The following MPST variants were observed in gnomAD, a reference collection of about 807,000 sequenced individuals.
The protein encoded by MPST is mercaptopyruvate sulfurtransferase, also known as 3-mercaptopyruvate sulfurtransferase.
MPST carries 27 observed loss-of-function variants against 28.5 expected under a neutral mutation model. The observed-to-expected ratio is 0.95, with a 90% CI of 0.70 to 1.31. The LOEUF is 1.31. MPST is among the 50% of genes most tolerant of loss of function. The probability of loss-of-function intolerance (pLI) is 0.00; values close to 1 mark genes in which losing one functional copy is unlikely to be tolerated. For missense variants in MPST, 492 were observed against 471.1 expected, an observed-to-expected ratio of 1.04 and a Z score of -0.41; for synonymous variants, 204 against 209.3, an observed-to-expected ratio of 0.97 and a Z score of 0.22.
In MPST at chr22:37,024,820, G is replaced by A. The variant is rs560301545; in HGVS notation, c.655+10G>A. On this transcript the variant is annotated intron_variant, in intron 2 of 2. Coordinates refer to ENST00000429360, the MANE Select transcript of MPST (RefSeq NM_021126.8). ...CCCGAGCCCCGAGACGGTAACGCGGGGGAAGGGGGCAGGAGGTCGTCGGGG... is the reference window on the plus strand; with the variant it reads ...CCCGAGCCCCGAGACGGTAACGCGGAGGAAGGGGGCAGGAGGTCGTCGGGG... 8.7e-5 allele frequency: 140 copies of A among 1,604,516 alleles called. No individual in the cohort carries two copies. In the African/African-American group the frequency reaches 1.6e-3, roughly 18 times the overall value.
At position 37,029,416 on chromosome 22, in the gene MPST, A is replaced by G. The variant is rs1375259443; in HGVS notation, c.856A>G (p.Lys286Glu). 1 of 1,613,778 alleles carries G rather than the reference A, an allele frequency of 6.2e-7. No homozygotes were observed. Among genetic ancestry groups the G allele is most frequent in the Non-Finnish European group, 8.5e-7 (1 of 1,180,036 alleles). ...HVALGAYLCG[K>E]PDVPIYDGSW... ...GGCACTAGGGGCCTACCTCTGCGGC[A>G]AGCCAGACGTGCCCATCTACGATGG... Residue 286 changes from lysine (K) to glutamate (E), a missense_variant, in exon 3 of 3, where the codon AAG (lysine) becomes GAG (glutamate). Physicochemically the swap from Lys to Glu is moderately conservative, Grantham distance 56. Transcript: ENST00000429360.
chr22:37,023,958 G>A (rs1283782448), intron 1 of MPST: 2 of 1,513,674 alleles, frequency 1.3e-6, no homozygotes, highest in East Asian at 2.6e-5. Flanking sequence ...CTCTCCGGGA[G>A]GTCATGGTCA....
intron 1 of MPST, chr22:37,020,111 C>T (rs555860952): frequency 7.5e-4 from 290 of 387,018 alleles, no homozygotes; most frequent in African/African-American, 5.8e-3. Flanking sequence ...CTGGTGGCAC[C>T]AGAGAGGGCG....
intron 1 of MPST, 65 bp downstream of exon 1, chr22:37,019,937 C>T (rs1306486783): frequency 3.9e-6 from 3 of 762,040 alleles, no homozygotes; most frequent in South Asian, 6.6e-5. Context: ...TGGGGGTGCT[C>T]GGCGCGGGGC....
At chr22:37,020,494 G>A (rs1006400999) in intron 1 of MPST, among the ~76,000 whole-genome samples, 2 of 152,148 alleles carry the variant, frequency 1.3e-5, no homozygotes, top group Admixed American at 6.5e-5. Flanking sequence ...TTAATCATAA[G>A]TTGATGTAAT....
rs1292313745 is a variant in MPST, at chr22:37,019,863, C to A, written c.27C>A (p.Ser9=). Residue 9 remains serine, a synonymous_variant, in exon 1 of 3, where the codon TCC becomes TCA. Transcript: ENST00000429360. The part of the protein sequence containing the change: MAEPGSRE[S]ETRARSPSVA... ...TGGCGGAGCCAGGAAGCCGGGAGTC[C>A]GAGACCCGGGTAACTGCCGCGGCGT... 8.2e-7 allele frequency: 1 copy of A among 1,222,364 alleles called. No homozygotes were observed. 75.7% of individuals were successfully genotyped at this position (1,222,364 alleles called of 1,614,324 possible).
At chr22:37,022,344 T>C (rs1923135964) in intron 1 of MPST, among the ~76,000 whole-genome samples, 1 of 152,176 alleles carries the variant, frequency 6.6e-6, no homozygotes, top group African/African-American at 2.4e-5. Context: ...TGCTCAACAC[T>C]GAATTCTAAA....
chr22:37,023,667 T>C (rs1923239491), intron 1 of MPST: 1 of 634,512 alleles, frequency 1.6e-6, no homozygotes, highest in Non-Finnish European at 2.1e-6. Flanking sequence ...GAGAGTCTAC[T>C]GTGTCAGGCA....
At chr22:37,022,659 C>T (rs1170481431) in intron 1 of MPST, among the ~76,000 whole-genome samples, 1 of 152,202 alleles carries the variant, frequency 6.6e-6, no homozygotes, top group Admixed American at 6.5e-5. Flanking sequence ...TTGCCAGTGG[C>T]CTCATTCATA....
intron 2 of MPST, 34 bp from the exon 3 acceptor site, chr22:37,029,182 T>C: frequency 6.3e-7 from 1 of 1,595,220 alleles, no homozygotes; most frequent in Non-Finnish European, 8.6e-7. Flanking sequence ...AGCATCCTTC[T>C]ATTTGTCCCC....
intron 2 of MPST, chr22:37,028,224 G>A (rs975101347): frequency 4.6e-5 from 7 of 151,940 alleles, no homozygotes; most frequent in Non-Finnish European, 7.3e-5. Flanking sequence ...CACATACTGA[G>A]ACCCCATGTC....
chr22:37,019,795 A>G lies in MPST; in HGVS notation c.-42A>G, dbSNP rs1404929964. ...TGCAGGTTGGTGGCGGGAGGAGGGG[A>G]CAGCTGCGGGCGCGGGGAGGGGGCG... On this transcript the variant is annotated 5_prime_UTR_variant, in exon 1 of 3. Coordinates refer to ENST00000429360, the MANE Select transcript of MPST (RefSeq NM_021126.8). 6.7e-6 allele frequency: 7 copies of G among 1,038,750 alleles called. No homozygotes were observed. The highest frequency in any genetic ancestry group is 1.6e-5 in the African/African-American group (1 of 60,674). 64.3% of individuals were successfully genotyped at this position (1,038,750 alleles called of 1,614,324 possible).
In MPST at chr22:37,019,753, T is replaced by A. The variant is rs1922903790; in HGVS notation, c.-84T>A. 1 of 585,442 alleles carries A rather than the reference T, an allele frequency of 1.7e-6. No homozygotes were observed. Among genetic ancestry groups the A allele is most frequent in the African/African-American group, 1.9e-5 (1 of 51,822 alleles). The allele number at this position is 585,442 out of a possible 1,614,324, so 36.3% of individuals were successfully genotyped here. A position where few individuals can be genotyped will look rare whatever the true frequency, so the allele number is the denominator to read the frequency against. On this transcript the variant is annotated 5_prime_UTR_variant, in exon 1 of 3. Coordinates refer to ENST00000429360, the MANE Select transcript of MPST (RefSeq NM_021126.8). ...CGCGGCGGTGGGCTGTGCCGGAGTC[T>A]CCTCCCTTTGGTCCGCTGCAGGTTG...
At chr22:37,021,133 G>T (rs1007826859) in intron 1 of MPST, among the ~76,000 whole-genome samples, 1 of 152,162 alleles carries the variant, frequency 6.6e-6, no homozygotes, top group Non-Finnish European at 1.5e-5. Context: ...TGCGGCTCAC[G>T]CTTGCTTCAG....
At chr22:37,023,987 G>C (rs1923270974) in intron 1 of MPST, 2 of 1,432,202 alleles carry the variant, frequency 1.4e-6, no homozygotes, top group Non-Finnish European at 1.8e-6. Flanking sequence ...CTCGGAGCTT[G>C]TGTTTATATG....
chr22:37,021,466 A>T (rs912113569), intron 1 of MPST, among the ~76,000 whole-genome samples: 6 of 151,564 alleles, frequency 4.0e-5, no homozygotes, highest in Non-Finnish European at 8.8e-5. Flanking sequence ...AAATAATGCA[A>T]TATTATTATT....
rs1017451166 is a variant in MPST at position 37,023,669 on chromosome 22, T to C, written c.37-523T>C. ...TCAACACATACTGGAGAGTCTACTG[T>C]GTCAGGCATTGTTCTAGGATATTGT... On this transcript the variant is annotated intron_variant, in intron 1 of 2. Coordinates refer to ENST00000429360, the MANE Select transcript of MPST (RefSeq NM_021126.8). 4 of 649,076 alleles carry C rather than the reference T, an allele frequency of 6.2e-6. No homozygotes were observed. The African/African-American group carries it at 8.0e-5, about 13-fold the overall frequency. 40.2% of individuals were successfully genotyped at this position (649,076 alleles called of 1,614,324 possible).
chr22:37,026,233 C>G (rs1323248688), intron 2 of MPST: 1 of 152,144 alleles, frequency 6.6e-6, no homozygotes, highest in Non-Finnish European at 1.5e-5. Context: ...GGCTTTGTGA[C>G]ACACGACGGG....
intron 1 of MPST, chr22:37,020,205 A>T: frequency 1.1e-5 from 3 of 281,946 alleles, no homozygotes; most frequent in Non-Finnish European, 2.0e-5. Context: ...CTTGTTAGTG[A>T]GTGAAAGGAA....
Sources: gnomAD v4.1 joint callset for allele counts (sites outside exome capture counted in the v4.1 genomes callset) on GRCh38, gnomAD v4.1.1 for gene constraint, MANE v1.5 for transcripts, NCBI Gene and HGNC (gene_info 2026-07-23, HGNC 2026-07-21) for gene names.